SYP: variants seen among roughly 807,000 people sequenced by gnomAD.
The protein encoded by SYP is major synaptic vesicle protein P38.
A neutral mutation model predicts 24.3 loss-of-function variants in SYP; 2 were observed. The observed-to-expected ratio is 0.08, with a 90% confidence interval of 0.03 to 0.26. The LOEUF (loss-of-function observed/expected upper bound fraction) is 0.26, where lower values mean the gene tolerates loss of function less well. Ranked by LOEUF, SYP falls within the 10% of genes least tolerant of loss-of-function variation. The pLI, the probability that SYP is intolerant of heterozygous loss-of-function variation, is 1.00. For synonymous variants in SYP, 143 were observed against 123.2 expected, an observed-to-expected ratio of 1.16 and a Z score of -1.07; for missense variants, 216 against 266.3, an observed-to-expected ratio of 0.81 and a Z score of 1.32.
At chrX:49,190,323 A>G (rs1238657662) in intron 6 of SYP, among the ~76,000 whole-genome samples, 2 of 108,688 alleles carry the variant, frequency 1.8e-5, no homozygotes, top group African/African-American at 6.7e-5. Context: ...GGAACTACAG[A>G]CGTGCGCCAC....
At chrX:49,191,191 C>T in intron 6 of SYP, 1 of 426,064 alleles carries the variant, frequency 2.3e-6, no homozygotes, top group Non-Finnish European at 4.1e-6. Flanking sequence ...CCTTCTACCT[C>T]CCTCCCATTG....
At chrX:49,194,989 G>A (rs1602611910) in intron 3 of SYP, among the ~76,000 whole-genome samples, 2 of 111,271 alleles carry the variant, frequency 1.8e-5, no homozygotes, top group African/African-American at 6.5e-5. Context: ...TTACAGGCGT[G>A]AGCCACTGCG....
At chrX:49,197,914 A>G in intron 2 of SYP, 75 bp from the exon 3 acceptor site, 1 of 1,181,840 alleles carries the variant, frequency 8.5e-7, no homozygotes. Context: ...CTCTGGACAG[A>G]TCGGGGGCCC....
intron 6 of SYP, among the ~76,000 whole-genome samples, chrX:49,190,107 C>T (rs895605813): frequency 2.7e-5 from 3 of 111,070 alleles, no homozygotes; most frequent in Non-Finnish European, 5.7e-5. Context: ...TTTAGCCACC[C>T]CTTAGCCTTT....
chrX:49,194,332 G>T lies in SYP; in HGVS notation c.257C>A (p.Thr86Asn). Reference sequence around the variant, plus strand: ...GACCTTGGTGGTGCCCCCTCGGCAGGTGGGTGCATCAAAGTACACTTGGTG... The same window carrying T: ...GACCTTGGTGGTGCCCCCTCGGCAGTTGGGTGCATCAAAGTACACTTGGTG... ...RLHQVYFDAP[T>N]CRGGTTKVFL... Residue 86 changes from threonine (T) to asparagine (N), a missense_variant, in exon 4 of 7, where the codon ACC becomes AAC. Transcript: ENST00000263233. The T allele has an allele frequency of 8.3e-7, 1 of 1,211,507 alleles. No individual in the cohort carries two copies. The highest frequency in any genetic ancestry group is 1.1e-6 in the Non-Finnish European group (1 of 895,461).
At chrX:49,192,336 A>G (rs1277780999) in intron 5 of SYP, among the ~76,000 whole-genome samples, 1 of 111,514 alleles carries the variant, frequency 9.0e-6, no homozygotes, top group East Asian at 2.8e-4. Flanking sequence ...CTGGGATTAC[A>G]GGCATGCACC....
intron 3 of SYP, among the ~76,000 whole-genome samples, chrX:49,194,704 CTTTTTTTT>C (rs34247999): frequency 1.7e-5 from 1 of 57,407 alleles, no homozygotes; most frequent in Non-Finnish European, 3.0e-5. Flanking sequence ...CCCTCATCTC[CTTTTTTTT>C]TTTTTTTTTT....
intron 3 of SYP, among the ~76,000 whole-genome samples, chrX:49,195,478 T>C (rs1266340483): frequency 1.8e-5 from 2 of 110,215 alleles, no homozygotes; most frequent in Non-Finnish European, 3.8e-5. Context: ...GAAAAAAATG[T>C]ATGCATAGCA....
chrX:49,190,238 G>A, intron 6 of SYP, among the ~76,000 whole-genome samples: 2 of 108,326 alleles, frequency 1.8e-5, no homozygotes, highest in Middle Eastern at 4.8e-3. Context: ...GGAGTGCAGT[G>A]GCGCAATCTC....
At chrX:49,197,524 G>T in intron 3 of SYP, 191 bp downstream of exon 3, 2 of 576,528 alleles carry the variant, frequency 3.5e-6, no homozygotes, top group Non-Finnish European at 5.4e-6. Flanking sequence ...CACAGCCTAT[G>T]TCTGCCTTGC....
chrX:49,197,565 G>A lies in SYP; in HGVS notation c.227+150C>T, dbSNP rs1346095221. 11 of 826,681 alleles carry A rather than the reference G, an allele frequency of 1.3e-5. No homozygotes were observed. The African/African-American group carries it at 2.2e-4, about 17-fold the overall frequency. 68.1% of individuals were successfully genotyped at this position (826,681 alleles called of 1,213,427 possible). On this transcript the variant is annotated intron_variant, in intron 3 of 6. Transcript: ENST00000263233. Reference sequence around the variant, plus strand: ...ACATAGTCCTAGAGTCCAGAGCAGTGCCAGGTACAAGGCAGGTGCTCAGTG... The same window carrying A: ...ACATAGTCCTAGAGTCCAGAGCAGTACCAGGTACAAGGCAGGTGCTCAGTG...
chrX:49,190,991 T>C (rs1557102599), intron 6 of SYP: 1 of 160,539 alleles, frequency 6.2e-6, no homozygotes, highest in Non-Finnish European at 1.2e-5. Context: ...ACCTTCAAGA[T>C]CCACGCCCAT....
intron 4 of SYP, 66 bp from the exon 5 acceptor site, chrX:49,193,529 C>T (rs2065517949): frequency 8.9e-7 from 1 of 1,128,902 alleles, no homozygotes; most frequent in African/African-American, 1.8e-5. Context: ...GCCCTGGGGC[C>T]TCCTCGGATC....
At chrX:49,196,057 C>A (rs2065527244) in intron 3 of SYP, among the ~76,000 whole-genome samples, 1 of 110,518 alleles carries the variant, frequency 9.0e-6, no homozygotes, top group Non-Finnish European at 1.9e-5. Flanking sequence ...TCAGGGGGAC[C>A]CAGGGCCAAG....
At chrX:49,198,736 G>C in intron 2 of SYP, 1 of 401,235 alleles carries the variant, frequency 2.5e-6, no homozygotes, top group Non-Finnish European at 4.4e-6. Flanking sequence ...GAGGTAGGAC[G>C]TCACAGTCTC....
rs1557102745 is a variant in SYP, at chrX:49,191,629, G to A, written c.750C>T (p.Tyr250=). 5.8e-6 allele frequency: 7 copies of A among 1,208,013 alleles called. No homozygotes were observed. The highest frequency in any genetic ancestry group is 7.8e-6 in the Non-Finnish European group (7 of 893,630). ...GGCCCTGCCCGTAGCCTGCATCGCC[G>A]TAGGCGTCCCCGGGTGCCGGTTGTT... The part of the protein sequence containing the change: ...PEKQPAPGDA[Y]GDAGYGQGPG... The change falls in exon 6 of 7, where the codon TAC becomes TAT. Residue 250 remains tyrosine, a synonymous_variant. Transcript: ENST00000263233.
At chrX:49,200,014 A>G (rs1602614724) in intron 1 of SYP, 137 bp downstream of exon 1, 4 of 745,331 alleles carry the variant, frequency 5.4e-6, no homozygotes, top group Non-Finnish European at 7.8e-6. Flanking sequence ...CCTGCCGCAG[A>G]CCCCCATCCC....
intron 2 of SYP, chrX:49,198,388 GT>G (rs2065536746): frequency 8.3e-6 from 1 of 120,131 alleles, no homozygotes; most frequent in Non-Finnish European, 1.7e-5. Flanking sequence ...GCCTCTGTGT[GT>G]TGGTTTCTCT....
chrX:49,191,796 C>T, intron 5 of SYP, 33 bp from the exon 6 acceptor site: 2 of 1,173,406 alleles, frequency 1.7e-6, no homozygotes, highest in Non-Finnish European at 2.3e-6. Flanking sequence ...TGTGGTACCC[C>T]GCCCATTGCC....
Sources: allele counts gnomAD v4.1 joint callset (sites outside exome capture counted in the v4.1 genomes callset), GRCh38; gene constraint gnomAD v4.1.1; transcripts MANE v1.5; gene names NCBI Gene and HGNC (gene_info 2026-07-23, HGNC 2026-07-21).